SAE1: variants seen among roughly 807,000 people sequenced by gnomAD.
SAE1 encodes SUMO1 activating enzyme subunit 1.
Under a neutral mutation model 40.6 loss-of-function variants are expected in SAE1, and 11 were observed. The ratio of observed to expected loss-of-function variants is 0.27; its 90% CI spans 0.17 to 0.45. SAE1 has a LOEUF of 0.45. Ranked by LOEUF, SAE1 falls within the 20% of genes least tolerant of loss-of-function variation. The probability of loss-of-function intolerance (pLI) is 1.00; values close to 1 mark genes in which losing one functional copy is unlikely to be tolerated. For missense variants in SAE1, 373 were observed against 427.3 expected (o/e 0.87, Z 1.12); for synonymous variants, 155 against 154.3 (o/e 1.00, Z -0.03).
At chr19:47,161,182 G>GTTT (rs11456095) in intron 5 of SAE1, among the ~76,000 whole-genome samples, 10 of 137,400 alleles carry the variant, frequency 7.3e-5, no homozygotes, top group African/African-American at 1.1e-4. Context: ...ATTTTTTCGG[G>GTTT]TTTTTTTTTT....
intron 6 of SAE1, among the ~76,000 whole-genome samples, chr19:47,190,827 A>G (rs939867159): frequency 3.9e-5 from 6 of 152,194 alleles, no homozygotes; most frequent in African/African-American, 1.4e-4. Flanking sequence ...CTTCTCACCC[A>G]CTGAACTTAC....
chr19:47,199,390 C>CAA (rs35275499), intron 7 of SAE1, among the ~76,000 whole-genome samples: 578 of 54,748 alleles, frequency 0.011, 3 homozygotes, highest in African/African-American at 0.013. Flanking sequence ...GACTCCTTCT[C>CAA]AAAAAAAAAA....
At chr19:47,201,769 C>A (rs2058657053) in intron 7 of SAE1, among the ~76,000 whole-genome samples, 1 of 151,834 alleles carries the variant, frequency 6.6e-6, no homozygotes, top group South Asian at 2.1e-4. Context: ...GAGTATCTGG[C>A]ATTACAGCTG....
At chr19:47,191,851 C>G (rs962327102) in intron 6 of SAE1, among the ~76,000 whole-genome samples, 5 of 151,888 alleles carry the variant, frequency 3.3e-5, no homozygotes, top group East Asian at 3.9e-4. Context: ...GTCAGGAGAT[C>G]GAGACCATCC....
At chr19:47,154,241 C>T (rs1333096614) in intron 4 of SAE1, among the ~76,000 whole-genome samples, 1 of 151,752 alleles carries the variant, frequency 6.6e-6, no homozygotes, top group African/African-American at 2.4e-5. Flanking sequence ...CAGGCACCCG[C>T]CACCATGCCC....
chr19:47,181,972 A>G (rs948485336), intron 6 of SAE1, among the ~76,000 whole-genome samples: 5 of 151,544 alleles, frequency 3.3e-5, no homozygotes, highest in African/African-American at 1.2e-4. Context: ...ATTTTATTGT[A>G]GAGAGGCCTC....
In SAE1 at chr19:47,152,948, C is replaced by A. The variant is rs1266274097; in HGVS notation, c.435C>A (p.Ile145=). Residue 145 remains isoleucine (I), a synonymous_variant, in exon 4 of 9, where the codon ATC becomes ATA. Transcript: ENST00000270225. The stretch of plus-strand genomic sequence containing the variant: ...ATGTCATAGTTAAAGTTGACCAGAT[C>A]TGTCACAAAAATAGCATCAAGTTCT... ...SRDVIVKVDQ[I]CHKNSIKFFT... The A allele has an allele frequency of 6.2e-7, 1 of 1,612,378 alleles. No homozygotes were observed.
At chr19:47,154,582 C>T (rs2058309153) in intron 4 of SAE1, among the ~76,000 whole-genome samples, 1 of 143,294 alleles carries the variant, frequency 7.0e-6, no homozygotes, top group Admixed American at 7.4e-5. Flanking sequence ...GCAACCTCCT[C>T]CTCCTGGGGT....
At chr19:47,187,416 C>T (rs2058550759) in intron 6 of SAE1, among the ~76,000 whole-genome samples, 1 of 152,150 alleles carries the variant, frequency 6.6e-6, no homozygotes, top group African/African-American at 2.4e-5. Context: ...CCATGTGTAG[C>T]ATGTTTGTAA....
At chr19:47,136,085 T>C (rs903728655) in intron 1 of SAE1, among the ~76,000 whole-genome samples, 1 of 152,106 alleles carries the variant, frequency 6.6e-6, no homozygotes, top group African/African-American at 2.4e-5. Context: ...GACATATGGG[T>C]TGCTTTCAAA....
At chr19:47,158,455 A>G (rs1191226217) in intron 5 of SAE1, among the ~76,000 whole-genome samples, 1 of 152,200 alleles carries the variant, frequency 6.6e-6, no homozygotes, top group Non-Finnish European at 1.5e-5. Flanking sequence ...TCACATGGAC[A>G]CTGACATGCA....
chr19:47,136,124 A>C (rs1490387857), intron 1 of SAE1, among the ~76,000 whole-genome samples: 1 of 152,008 alleles, frequency 6.6e-6, no homozygotes, highest in Non-Finnish European at 1.5e-5. Context: ...GTGCTGCAAT[A>C]AACATGGGAT....
intron 6 of SAE1, among the ~76,000 whole-genome samples, chr19:47,193,845 GAAAAGAA>G (rs1187637501): frequency 7.2e-5 from 8 of 111,098 alleles, no homozygotes; most frequent in Non-Finnish European, 1.6e-4. Context: ...AAAAAAGAAA[GAAAAGAA>G]AAAGAAAAAG....
At chr19:47,162,654 A>G (rs1479396227) in intron 5 of SAE1, among the ~76,000 whole-genome samples, 2 of 152,132 alleles carry the variant, frequency 1.3e-5, no homozygotes, top group Non-Finnish European at 2.9e-5. Context: ...ATTCATCTTT[A>G]TATGCAGAAT....
chr19:47,190,059 T>G (rs966732302), intron 6 of SAE1, among the ~76,000 whole-genome samples: 2 of 152,188 alleles, frequency 1.3e-5, no homozygotes, highest in African/African-American at 2.4e-5. Context: ...AAAGTTTGCC[T>G]TTTCCATTAC....
rs1382563873 is a variant in SAE1, at chr19:47,132,884, C to T, written c.98+1856C>T. Reference sequence around the variant, plus strand: ...CAGCCTGGGTGACAGAGTGAGGCCCCGTCTCAAAAAAAAAAAAAAAATCCA... The same window carrying T: ...CAGCCTGGGTGACAGAGTGAGGCCCTGTCTCAAAAAAAAAAAAAAAATCCA... On this transcript the variant is annotated intron_variant, in intron 1 of 8. Transcript: ENST00000270225. Among the ~76,000 whole-genome samples the T allele has an allele frequency of 2.9e-5, 4 of 138,200 alleles. No individual in the cohort carries two copies. In the East Asian group the frequency reaches 6.5e-4, roughly 23 times the overall value. 90.7% of individuals were successfully genotyped at this position (138,200 alleles called of 152,430 possible).
chr19:47,173,753 A>G (rs963897265), intron 6 of SAE1, among the ~76,000 whole-genome samples: 2 of 151,774 alleles, frequency 1.3e-5, no homozygotes, highest in East Asian at 3.9e-4. Flanking sequence ...GCTAAACTCA[A>G]AGGCCAGTTG....
rs563477348 is a variant in SAE1, at chr19:47,183,803, A to C, written c.734-13430A>C. 7.9e-5 allele frequency among the ~76,000 whole-genome samples: 12 copies of C among 152,326 alleles called. No homozygotes were observed. The East Asian group carries it at 2.3e-3, about 29-fold the overall frequency. On this transcript the variant is annotated intron_variant, in intron 6 of 8. Coordinates refer to ENST00000270225, the MANE Select transcript of SAE1 (RefSeq NM_005500.3). ...TCGGCAAGAGGGGTTGGCAGAGAGC[A>C]GCAGATGCCTAGAGTCAAGGTCATG...
In SAE1 at chr19:47,146,718, G is replaced by A. The variant is rs145774652; in HGVS notation, c.210+3113G>A. On this transcript the variant is annotated intron_variant, in intron 2 of 8. Coordinates refer to ENST00000270225, the MANE Select transcript of SAE1 (RefSeq NM_005500.3). The stretch of plus-strand genomic sequence containing the variant: ...GGCCCCAGTAGTTAGTGGTACGGCC[G>A]GGACCCAGGCATCTGACTCCAGAGC... Among the ~76,000 whole-genome samples the A allele has an allele frequency of 5.4e-3, 828 of 152,256 alleles. 11 individuals carry two copies. Among genetic ancestry groups the A allele is most frequent in the African/African-American group, 0.019 (803 of 41,546 alleles).
Sources: gnomAD v4.1 joint callset for allele counts (sites outside exome capture counted in the v4.1 genomes callset) on GRCh38, gnomAD v4.1.1 for gene constraint, MANE v1.5 for transcripts, NCBI Gene and HGNC (gene_info 2026-07-23, HGNC 2026-07-21) for gene names.